Variants in CPQ observed in about 807,000 individuals in gnomAD.
CPQ encodes carboxypeptidase Q, also known as Ser-Met dipeptidase.
CPQ carries 37 observed loss-of-function variants against 45.7 expected under a neutral mutation model. The ratio of observed to expected loss-of-function variants is 0.81; its 90% CI spans 0.62 to 1.07. The LOEUF is 1.07. CPQ is among the 50% of genes least tolerant of loss of function. CPQ has a pLI of 0.00. For synonymous variants in CPQ, 186 were observed against 205.8 expected, an observed-to-expected ratio of 0.90 and a Z score of 0.82; for missense variants, 537 against 572.9, an observed-to-expected ratio of 0.94 and a Z score of 0.64.
chr8:96,941,109 C>T (rs1388580564), intron 4 of CPQ, among the ~76,000 whole-genome samples: 1 of 152,108 alleles, frequency 6.6e-6, no homozygotes, highest in Non-Finnish European at 1.5e-5. Context: ...TTTCGGCCCT[C>T]TCCCTTAGAA....
intron 5 of CPQ, among the ~76,000 whole-genome samples, chr8:96,975,191 A>G (rs1813753646): frequency 6.6e-6 from 1 of 152,144 alleles, no homozygotes; most frequent in Non-Finnish European, 1.5e-5. Context: ...CAGAAATACA[A>G]AAGATTATTC....
chr8:96,767,121 G>A (rs1372276446), intron 1 of CPQ, among the ~76,000 whole-genome samples: 1 of 152,160 alleles, frequency 6.6e-6, no homozygotes, highest in Non-Finnish European at 1.5e-5. Context: ...AGAATCTGAT[G>A]TTATCCAAAG....
At chr8:96,925,895 A>G (rs182951646) in intron 4 of CPQ, among the ~76,000 whole-genome samples, 51 of 149,530 alleles carry the variant, frequency 3.4e-4, no homozygotes, top group African/African-American at 1.1e-3. Flanking sequence ...TCAACATGTT[A>G]GCCAGGATGG....
intron 1 of CPQ, among the ~76,000 whole-genome samples, chr8:96,729,567 T>C (rs967864384): frequency 2.0e-5 from 3 of 152,210 alleles, no homozygotes; most frequent in African/African-American, 4.8e-5. Flanking sequence ...TGAATGTCCA[T>C]ATACACATCA....
At chr8:97,137,609 C>T (rs1812082824) in intron 7 of CPQ, among the ~76,000 whole-genome samples, 1 of 152,164 alleles carries the variant, frequency 6.6e-6, no homozygotes, top group South Asian at 2.1e-4. Flanking sequence ...ATTTGTCTCC[C>T]CTGGGTGTGC....
At chr8:96,918,625 G>C (rs150669047) in intron 4 of CPQ, among the ~76,000 whole-genome samples, 91 of 152,206 alleles carry the variant, frequency 6.0e-4, no homozygotes, top group African/African-American at 2.1e-3. Context: ...TCTGGGAACT[G>C]AATGGGGAAG....
intron 4 of CPQ, among the ~76,000 whole-genome samples, chr8:96,894,991 T>C (rs900118892): frequency 6.6e-6 from 1 of 152,298 alleles, no homozygotes; most frequent in African/African-American, 2.4e-5. Flanking sequence ...TTGGCCAAAT[T>C]GACTCATTAT....
At chr8:97,008,435 T>C (rs1265793328) in intron 5 of CPQ, among the ~76,000 whole-genome samples, 1 of 152,192 alleles carries the variant, frequency 6.6e-6, no homozygotes, top group East Asian at 1.9e-4. Context: ...AAAGAATAGC[T>C]CTTCTCTTAG....
rs754675714 is a variant in CPQ at position 96,965,924 on chromosome 8, ATTTG to A, written c.850-8_850-5del. 1.7e-4 allele frequency: 253 copies of A among 1,513,652 alleles called. 1 individual carries two copies. Among genetic ancestry groups the A allele is most frequent in the Non-Finnish European group, 1.8e-4 (207 of 1,129,228 alleles). 93.8% of individuals were successfully genotyped at this position (1,513,652 alleles called of 1,614,324 possible). A position where few individuals can be genotyped will look rare whatever the true frequency, so the allele number is the denominator to read the frequency against. ...TAGTTTTATTTTTTAACTTTTTATT[ATTTG>A]TTCTAGGTTGTACTGGTCAGTGGAC... is the stretch of plus-strand genomic sequence containing the variant. On this transcript the variant is annotated splice_polypyrimidine_tract_variant and splice_region_variant and intron_variant, in intron 4 of 7. Transcript: ENST00000220763.
chr8:96,649,649 G>A (rs1815556514), intron 1 of CPQ, among the ~76,000 whole-genome samples: 1 of 152,210 alleles, frequency 6.6e-6, no homozygotes, highest in African/African-American at 2.4e-5. Flanking sequence ...AGCAGAGGTA[G>A]CTGTGGAACA....
intron 2 of CPQ, among the ~76,000 whole-genome samples, chr8:96,815,263 T>C (rs910667648): frequency 6.6e-6 from 1 of 151,880 alleles, no homozygotes; most frequent in Non-Finnish European, 1.5e-5. Flanking sequence ...TTAGGGGAAG[T>C]AGAGAAAAGG....
At chr8:96,709,570 T>C (rs1280050764) in intron 1 of CPQ, among the ~76,000 whole-genome samples, 2 of 152,212 alleles carry the variant, frequency 1.3e-5, no homozygotes, top group Non-Finnish European at 2.9e-5. Context: ...TGCATGCAAG[T>C]GTCTTTTTGA....
intron 7 of CPQ, among the ~76,000 whole-genome samples, chr8:97,104,872 G>A (rs895303904): frequency 6.6e-6 from 1 of 152,130 alleles, no homozygotes; most frequent in Non-Finnish European, 1.5e-5. Flanking sequence ...AAGCAGGTGT[G>A]GGAAGTGTTT....
At chr8:96,780,709 A>T (rs1034216583) in intron 1 of CPQ, among the ~76,000 whole-genome samples, 185 of 128,298 alleles carry the variant, frequency 1.4e-3, no homozygotes, top group Middle Eastern at 8.9e-3. Flanking sequence ...CTTTTTCTTT[A>T]CTTTTTTTTT....
chr8:96,766,917 T>C (rs964262735), intron 1 of CPQ, among the ~76,000 whole-genome samples: 6 of 152,190 alleles, frequency 3.9e-5, no homozygotes, highest in African/African-American at 9.7e-5. Context: ...TATTTTTCTG[T>C]GTACTCTCCC....
chr8:97,030,846 G>C (rs987457511), intron 6 of CPQ, among the ~76,000 whole-genome samples: 2 of 152,202 alleles, frequency 1.3e-5, no homozygotes, highest in Admixed American at 6.5e-5. Context: ...TGAAGACTGA[G>C]TGGAAGTAAG....
intron 7 of CPQ, among the ~76,000 whole-genome samples, chr8:97,073,810 A>C (rs1166773360): frequency 6.6e-6 from 1 of 152,208 alleles, no homozygotes; most frequent in Non-Finnish European, 1.5e-5. Context: ...TATACAGAGA[A>C]TTATAGTAGG....
At chr8:97,083,524 G>A (rs1034455606) in intron 7 of CPQ, among the ~76,000 whole-genome samples, 8 of 152,070 alleles carry the variant, frequency 5.3e-5, no homozygotes, top group Non-Finnish European at 8.8e-5. Flanking sequence ...ACTGTAACAT[G>A]GTACAACACT....
chr8:96,991,846 G>A (rs1248391157), intron 5 of CPQ, among the ~76,000 whole-genome samples: 2 of 152,086 alleles, frequency 1.3e-5, no homozygotes, highest in Non-Finnish European at 1.5e-5. Flanking sequence ...CTAGAGTTTG[G>A]TGGATTTTGG....
Sources: gnomAD v4.1 joint callset for allele counts (sites outside exome capture counted in the v4.1 genomes callset) on GRCh38, gnomAD v4.1.1 for gene constraint, MANE v1.5 for transcripts, NCBI Gene and HGNC (gene_info 2026-07-23, HGNC 2026-07-21) for gene names.